Variants in VAV3 observed in about 807,000 individuals in gnomAD.
VAV3 encodes the protein guanine nucleotide exchange factor VAV3.
A neutral mutation model predicts 131.2 loss-of-function variants in VAV3; 94 were observed. The ratio of observed to expected loss-of-function variants is 0.72; its 90% CI spans 0.61 to 0.85. The LOEUF is 0.85. Ranked by LOEUF, VAV3 falls within the 40% of genes least tolerant of loss-of-function variation. The pLI is 0.00. For synonymous variants in VAV3, 349 were observed against 342.0 expected (o/e 1.02, Z -0.22); for missense variants, 939 against 1,002.7 (o/e 0.94, Z 0.86).
chr1:107,665,771 G>C (rs1298000561), intron 19 of VAV3, among the ~76,000 whole-genome samples: 37 of 152,108 alleles, frequency 2.4e-4, no homozygotes, highest in Non-Finnish European at 2.9e-5. Context: ...AGAGGGAGGA[G>C]GGATCTCTCC....
At chr1:107,912,886 CACA>C (rs1672433725) in intron 1 of VAV3, among the ~76,000 whole-genome samples, 2 of 152,244 alleles carry the variant, frequency 1.3e-5, no homozygotes, top group Admixed American at 1.3e-4. Context: ...ACACTTTTTC[CACA>C]ACCACACTTT....
At chr1:107,766,900 T>C (rs1270473906) in intron 7 of VAV3, among the ~76,000 whole-genome samples, 3 of 148,556 alleles carry the variant, frequency 2.0e-5, no homozygotes, top group Non-Finnish European at 4.5e-5. Flanking sequence ...TCAGTTGAAA[T>C]GTCAGCATCC....
At chr1:107,939,742 T>C (rs944309392) in intron 1 of VAV3, among the ~76,000 whole-genome samples, 2 of 152,054 alleles carry the variant, frequency 1.3e-5, no homozygotes, top group African/African-American at 4.8e-5. Flanking sequence ...AGGATTTAGT[T>C]GGTGAAGTGA....
chr1:107,929,549 TAACTATAGTAAGTA>T (rs1571154812), intron 1 of VAV3, among the ~76,000 whole-genome samples: 1 of 152,090 alleles, frequency 6.6e-6, no homozygotes, highest in African/African-American at 2.4e-5. Context: ...TATAACATTG[TAACTATAGTAAGTA>T]AACTCCCCTA....
At chr1:107,686,148 A>G (rs1295647519) in intron 18 of VAV3, among the ~76,000 whole-genome samples, 1 of 151,982 alleles carries the variant, frequency 6.6e-6, no homozygotes, top group Admixed American at 6.6e-5. Context: ...AGGGATTTAA[A>G]GTAGCTAAAT....
chr1:107,944,204 G>A (rs1409909126), intron 1 of VAV3, among the ~76,000 whole-genome samples: 1 of 152,204 alleles, frequency 6.6e-6, no homozygotes, highest in Non-Finnish European at 1.5e-5. Context: ...GTGGCTTAAG[G>A]ATGCCGGACC....
intron 21 of VAV3, among the ~76,000 whole-genome samples, chr1:107,615,823 T>C (rs537335339): frequency 6.8e-4 from 104 of 152,100 alleles, no homozygotes; most frequent in Non-Finnish European, 7.4e-4. Context: ...GACATACATA[T>C]AATTGGCCAA....
At chr1:107,709,052 C>T (rs946365340) in intron 15 of VAV3, among the ~76,000 whole-genome samples, 16 of 152,092 alleles carry the variant, frequency 1.1e-4, no homozygotes, top group African/African-American at 3.4e-4. Flanking sequence ...GGGCCAGTTA[C>T]CAGAGGAGAT....
chr1:107,579,365 G>C (rs950791984), intron 25 of VAV3, among the ~76,000 whole-genome samples: 5 of 152,138 alleles, frequency 3.3e-5, no homozygotes, highest in African/African-American at 2.4e-5. Flanking sequence ...TTTTATGTCT[G>C]ATTTAATGTG....
chr1:107,917,480 C>T (rs957739969), intron 1 of VAV3, among the ~76,000 whole-genome samples: 1 of 152,028 alleles, frequency 6.6e-6, no homozygotes, highest in African/African-American at 2.4e-5. Flanking sequence ...CAGATCTGAC[C>T]CACCATACTC....
intron 25 of VAV3, among the ~76,000 whole-genome samples, chr1:107,588,712 A>T (rs1426518300): frequency 6.6e-6 from 1 of 152,230 alleles, no homozygotes; most frequent in Non-Finnish European, 1.5e-5. Flanking sequence ...TGACAAAAGA[A>T]ATCTTTTCAT....
intron 2 of VAV3, among the ~76,000 whole-genome samples, chr1:107,818,965 G>A (rs939843881): frequency 2.0e-5 from 3 of 152,052 alleles, no homozygotes; most frequent in African/African-American, 4.8e-5. Flanking sequence ...TCAGTTTTAC[G>A]ACACAAGAAT....
chr1:107,789,165 A>T (rs1246069355), intron 2 of VAV3, among the ~76,000 whole-genome samples: 1 of 152,182 alleles, frequency 6.6e-6, no homozygotes, highest in Admixed American at 6.5e-5. Context: ...AGGACTTAGA[A>T]AGTTTAACGA....
intron 17 of VAV3, among the ~76,000 whole-genome samples, chr1:107,692,885 C>T (rs1659513682): frequency 6.6e-6 from 1 of 152,138 alleles, no homozygotes; most frequent in Non-Finnish European, 1.5e-5. Context: ...ACAGTATTTC[C>T]CTTCCAATGT....
At chr1:107,650,534 T>A (rs1310606926) in intron 19 of VAV3, among the ~76,000 whole-genome samples, 2 of 150,622 alleles carry the variant, frequency 1.3e-5, no homozygotes, top group Non-Finnish European at 3.0e-5. Context: ...TTTTTTTAAA[T>A]TTTTATTTTA....
intron 9 of VAV3, among the ~76,000 whole-genome samples, chr1:107,764,681 C>A (rs1204374105): frequency 6.6e-6 from 1 of 152,166 alleles, no homozygotes; most frequent in Non-Finnish European, 1.5e-5. Flanking sequence ...AGCCACCCTG[C>A]CCAGCTAACT....
chr1:107,947,686 C>T (rs2101315944), intron 1 of VAV3, among the ~76,000 whole-genome samples: 1 of 152,288 alleles, frequency 6.6e-6, no homozygotes. Flanking sequence ...TGCTAAAGTC[C>T]ATATTCTTTC....
At chr1:107,621,359 C>T (rs1653588012) in intron 20 of VAV3, among the ~76,000 whole-genome samples, 1 of 151,834 alleles carries the variant, frequency 6.6e-6, no homozygotes, top group Non-Finnish European at 1.5e-5. Context: ...ATAACTTCTA[C>T]TTATTAAAAA....
intron 12 of VAV3, among the ~76,000 whole-genome samples, chr1:107,753,647 C>T (rs1250129771): frequency 6.6e-6 from 1 of 150,830 alleles, no homozygotes; most frequent in Admixed American, 6.6e-5. Flanking sequence ...GCAGCCTCCG[C>T]CTCCTGGGTT....
Sources: gnomAD v4.1 joint callset for allele counts (sites outside exome capture counted in the v4.1 genomes callset) on GRCh38, gnomAD v4.1.1 for gene constraint, MANE v1.5 for transcripts, NCBI Gene and HGNC (gene_info 2026-07-23, HGNC 2026-07-21) for gene names.